The following GLIS3 variants were observed in gnomAD, a reference collection of about 807,000 sequenced individuals.
GLIS3 encodes zinc finger protein GLIS3.
A neutral mutation model predicts 78.6 loss-of-function variants in GLIS3; 53 were observed. The ratio of observed to expected loss-of-function variants is 0.67; its 90% CI spans 0.54 to 0.85. GLIS3 has a LOEUF of 0.85. Ranked by LOEUF, GLIS3 falls within the 40% of genes least tolerant of loss-of-function variation. GLIS3 has a pLI of 0.00. For missense variants in GLIS3, 1,703 were observed against 1,231.1 expected (o/e 1.38, Z -5.74); for synonymous variants, 684 against 509.9 (o/e 1.34, Z -4.60).
At chr9:3,874,158 G>T in intron 8 of GLIS3, among the ~76,000 whole-genome samples, 1 of 152,102 alleles carries the variant, frequency 6.6e-6, no homozygotes, top group Non-Finnish European at 1.5e-5. Flanking sequence ...GGCAGGATTA[G>T]AGGGGTCAAC....
intron 2 of GLIS3, among the ~76,000 whole-genome samples, chr9:4,263,803 T>A (rs1212890212): frequency 6.6e-6 from 1 of 152,194 alleles, no homozygotes; most frequent in Non-Finnish European, 1.5e-5. Context: ...TAACTTGGTT[T>A]CTGAGACACC....
At chr9:4,082,623 A>G (rs1182590442) in intron 4 of GLIS3, among the ~76,000 whole-genome samples, 2 of 152,214 alleles carry the variant, frequency 1.3e-5, no homozygotes, top group Non-Finnish European at 2.9e-5. Context: ...ACTCTAATGA[A>G]TAACTCTGCA....
chr9:4,282,055 T>C (rs1009748667), intron 2 of GLIS3, among the ~76,000 whole-genome samples: 2 of 152,220 alleles, frequency 1.3e-5, no homozygotes, highest in African/African-American at 2.4e-5. Flanking sequence ...ATACTTCTCA[T>C]GAGCCTTCCA....
intron 4 of GLIS3, among the ~76,000 whole-genome samples, chr9:4,055,204 A>G (rs138182568): frequency 6.6e-6 from 1 of 152,216 alleles, no homozygotes; most frequent in Non-Finnish European, 1.5e-5. Context: ...CATTCTTGAC[A>G]TCAATAGAGT....
chr9:4,461,254 G>C, the GLIS3 span, among the ~76,000 whole-genome samples: 1 of 152,252 alleles, frequency 6.6e-6, no homozygotes, highest in East Asian at 1.9e-4. Flanking sequence ...GTATTTGTAT[G>C]TCAGCCTTAT....
chr9:4,124,999 T>A (rs142954951), intron 3 of GLIS3, among the ~76,000 whole-genome samples: 7 of 152,338 alleles, frequency 4.6e-5, no homozygotes, highest in African/African-American at 1.7e-4. Flanking sequence ...CCACCTAATA[T>A]CAACCTTGAG....
intron 2 of GLIS3, among the ~76,000 whole-genome samples, chr9:4,139,111 G>C (rs1364421392): frequency 6.6e-6 from 1 of 152,142 alleles, no homozygotes; most frequent in Non-Finnish European, 1.5e-5. Context: ...AAACAAGTAA[G>C]ATGGTTGCTG....
intron 6 of GLIS3, among the ~76,000 whole-genome samples, chr9:3,931,009 TAGC>T (rs1380760208): frequency 1.3e-5 from 2 of 152,330 alleles, no homozygotes; most frequent in South Asian, 2.1e-4. Flanking sequence ...TTAATTAACT[TAGC>T]AGTTCCTTTG....
chr9:3,956,776 G>A (rs545308448), intron 4 of GLIS3, among the ~76,000 whole-genome samples: 2 of 152,214 alleles, frequency 1.3e-5, no homozygotes, highest in East Asian at 3.9e-4. Context: ...AACAATCTTA[G>A]TTGACCAGGC....
chr9:3,883,622 G>T, intron 7 of GLIS3, among the ~76,000 whole-genome samples: 1 of 152,146 alleles, frequency 6.6e-6, no homozygotes. Context: ...CAGGATACAG[G>T]GCAATATTAA....
intron 2 of GLIS3, among the ~76,000 whole-genome samples, chr9:4,244,547 G>A (rs560241598): frequency 6.6e-6 from 1 of 152,174 alleles, no homozygotes; most frequent in East Asian, 1.9e-4. Flanking sequence ...CAGATGTGAG[G>A]TAGATATCTG....
At chr9:4,096,278 G>A (rs956807148) in intron 4 of GLIS3, among the ~76,000 whole-genome samples, 1 of 152,138 alleles carries the variant, frequency 6.6e-6, no homozygotes, top group Non-Finnish European at 1.5e-5. Flanking sequence ...AGGTAAATTT[G>A]GGTGTTTGGT....
At chr9:4,438,413 C>T in the GLIS3 span, among the ~76,000 whole-genome samples, 1 of 152,114 alleles carries the variant, frequency 6.6e-6, no homozygotes, top group African/African-American at 2.4e-5. Flanking sequence ...TTGTTCATGT[C>T]CCAGAGAAGC....
At chr9:4,202,705 G>C (rs967298806) in intron 2 of GLIS3, among the ~76,000 whole-genome samples, 2 of 152,070 alleles carry the variant, frequency 1.3e-5, no homozygotes, top group African/African-American at 2.4e-5. Context: ...GTCAACAAAA[G>C]TAAGCAATGG....
chr9:4,023,345 AC>A (rs1281256750), intron 4 of GLIS3, among the ~76,000 whole-genome samples: 1 of 152,108 alleles, frequency 6.6e-6, no homozygotes, highest in Non-Finnish European at 1.5e-5. Flanking sequence ...TTTAAACAAA[AC>A]CCCATTCTGC....
intron 4 of GLIS3, among the ~76,000 whole-genome samples, chr9:4,099,112 C>T (rs1234801762): frequency 6.6e-6 from 1 of 152,202 alleles, no homozygotes; most frequent in African/African-American, 2.4e-5. Context: ...GGCATGGGCA[C>T]CTGCAGCAGC....
chr9:3,932,501 T>A, intron 5 of GLIS3, 31 bp from the exon 6 acceptor site: 2 of 1,484,370 alleles, frequency 1.3e-6, no homozygotes, highest in South Asian at 1.1e-5. Flanking sequence ...GAAACAGCTG[T>A]GGTTAAATCA....
chr9:4,317,954 A>T (rs921517412), intron 2 of GLIS3, among the ~76,000 whole-genome samples: 4 of 152,230 alleles, frequency 2.6e-5, no homozygotes, highest in South Asian at 2.1e-4. Flanking sequence ...AAATAATATT[A>T]AAAAAGCACA....
At chr9:4,264,730 C>T (rs1825827234) in intron 2 of GLIS3, among the ~76,000 whole-genome samples, 2 of 152,122 alleles carry the variant, frequency 1.3e-5, no homozygotes, top group Admixed American at 6.5e-5. Context: ...TTTGTTTCTC[C>T]CTATAGCACT....
Sources: gnomAD v4.1 joint callset for allele counts (sites outside exome capture counted in the v4.1 genomes callset) on GRCh38, gnomAD v4.1.1 for gene constraint, MANE v1.5 for transcripts, NCBI Gene and HGNC (gene_info 2026-07-23, HGNC 2026-07-21) for gene names.